The following TTC27 variants were observed in gnomAD, a reference collection of about 807,000 sequenced individuals.
TTC27 encodes tetratricopeptide repeat protein 27.
In TTC27, 79 loss-of-function variants were observed where a neutral mutation model predicts 115.9. The observed-to-expected ratio is 0.68, with a 90% CI of 0.57 to 0.82. The LOEUF is 0.82. Ranked by LOEUF, TTC27 falls within the 40% of genes least tolerant of loss-of-function variation. TTC27 has a pLI of 0.00. For synonymous variants in TTC27, 401 were observed against 356.0 expected (o/e 1.13, Z -1.42); for missense variants, 1,054 against 993.1 (o/e 1.06, Z -0.82).
intron 15 of TTC27, among the ~76,000 whole-genome samples, chr2:32,785,918 A>T (rs1375973499): frequency 7.0e-6 from 1 of 142,838 alleles, no homozygotes; most frequent in Non-Finnish European, 1.5e-5. Flanking sequence ...TGCCTCTTTC[A>T]ATACTGAAAT....
chr2:32,775,434 G>A (rs113023960), intron 13 of TTC27, among the ~76,000 whole-genome samples: 2,605 of 152,194 alleles, frequency 0.017, 60 homozygotes, highest in African/African-American at 0.06. Context: ...TCCTGACCTC[G>A]TGATCCACCT....
intron 9 of TTC27, among the ~76,000 whole-genome samples, chr2:32,685,429 A>G (rs1666597190): frequency 6.6e-6 from 1 of 152,156 alleles, no homozygotes; most frequent in South Asian, 2.1e-4. Context: ...GTTAATGCTT[A>G]TTAGAATTTC....
intron 13 of TTC27, among the ~76,000 whole-genome samples, chr2:32,766,900 G>A (rs921674172): frequency 1.3e-5 from 2 of 151,978 alleles, no homozygotes; most frequent in African/African-American, 2.4e-5. Flanking sequence ...ATCCTGCTGC[G>A]TCAGCCACCT....
chr2:32,680,464 A>G (rs577432348), intron 9 of TTC27, among the ~76,000 whole-genome samples: 32 of 152,270 alleles, frequency 2.1e-4, no homozygotes, highest in African/African-American at 7.7e-4. Flanking sequence ...CTGAGGAGAA[A>G]TATAAAGCAG....
chr2:32,722,900 A>G (rs567464087), intron 10 of TTC27, among the ~76,000 whole-genome samples: 3 of 152,318 alleles, frequency 2.0e-5, no homozygotes, highest in African/African-American at 7.2e-5. Context: ...TGATAAGGCC[A>G]AGAAAGGGGG....
intron 5 of TTC27, among the ~76,000 whole-genome samples, chr2:32,660,730 C>G (rs1011004699): frequency 6.6e-6 from 1 of 152,190 alleles, no homozygotes; most frequent in Admixed American, 6.5e-5. Context: ...CCTGTTCACT[C>G]TGATGATAGT....
chr2:32,772,116 A>T (rs1293766820), intron 13 of TTC27, among the ~76,000 whole-genome samples: 1 of 152,202 alleles, frequency 6.6e-6, no homozygotes, highest in Non-Finnish European at 1.5e-5. Context: ...TTTTAATTAT[A>T]AAAGTTATCT....
At chr2:32,634,612 C>G (rs1335834162) in intron 3 of TTC27, among the ~76,000 whole-genome samples, 2 of 151,218 alleles carry the variant, frequency 1.3e-5, no homozygotes, top group Non-Finnish European at 2.9e-5. Context: ...AGCAGCAAAT[C>G]TGGAAATCTG....
intron 9 of TTC27, among the ~76,000 whole-genome samples, chr2:32,691,412 C>T (rs1666805168): frequency 1.3e-5 from 2 of 151,712 alleles, no homozygotes; most frequent in Non-Finnish European, 2.9e-5. Flanking sequence ...GATTCTCCTG[C>T]CTCAGTCTTC....
chr2:32,675,442 C>CT (rs1242813644), intron 8 of TTC27, among the ~76,000 whole-genome samples: 5 of 152,106 alleles, frequency 3.3e-5, no homozygotes, highest in African/African-American at 1.2e-4. Context: ...TTTCTGGATA[C>CT]TTGTTTTTCC....
At chr2:32,777,468 T>C (rs1670034337) in intron 13 of TTC27, among the ~76,000 whole-genome samples, 1 of 152,244 alleles carries the variant, frequency 6.6e-6, no homozygotes, top group Admixed American at 6.5e-5. Context: ...ACAGTGCAAA[T>C]GCTATATAAT....
intron 10 of TTC27, among the ~76,000 whole-genome samples, chr2:32,719,521 A>C (rs1330998251): frequency 1.3e-5 from 2 of 152,200 alleles, no homozygotes; most frequent in Non-Finnish European, 2.9e-5. Context: ...TGCCTTCTGC[A>C]TGTGGTCATA....
chr2:32,746,236 C>A (rs1668820970), intron 12 of TTC27, among the ~76,000 whole-genome samples: 1 of 151,940 alleles, frequency 6.6e-6, no homozygotes, highest in African/African-American at 2.4e-5. Context: ...TTTTAATAGA[C>A]ATTTAGATAT....
intron 10 of TTC27, among the ~76,000 whole-genome samples, chr2:32,712,114 C>G (rs1167513221): frequency 1.3e-5 from 2 of 152,140 alleles, no homozygotes; most frequent in Admixed American, 6.5e-5. Context: ...TACATGGTTG[C>G]CGGCAGTTAC....
chr2:32,738,153 T>C (rs1480008951), intron 12 of TTC27, among the ~76,000 whole-genome samples: 1 of 152,204 alleles, frequency 6.6e-6, no homozygotes, highest in South Asian at 2.1e-4. Context: ...TTATTGACTC[T>C]TTACTTGCGA....
intron 8 of TTC27, among the ~76,000 whole-genome samples, chr2:32,672,744 A>G (rs10779915): frequency 0.84 from 127,360 of 152,194 alleles, 53,378 homozygotes; most frequent in Middle Eastern, 0.91. Context: ...AACCTTATCT[A>G]TGGTGGAAAT....
intron 10 of TTC27, among the ~76,000 whole-genome samples, chr2:32,715,990 A>T (rs2151907733): frequency 8.2e-6 from 1 of 121,302 alleles, no homozygotes; most frequent in South Asian, 2.8e-4. Context: ...AATTATATGA[A>T]TGATACTGCT....
intron 8 of TTC27, among the ~76,000 whole-genome samples, chr2:32,673,699 A>G (rs1429588601): frequency 6.6e-6 from 1 of 152,130 alleles, no homozygotes; most frequent in South Asian, 2.1e-4. Flanking sequence ...TTATTTTGTA[A>G]TTAACATTTT....
chr2:32,707,446 A>G (rs765853387), intron 10 of TTC27, among the ~76,000 whole-genome samples: 1 of 152,192 alleles, frequency 6.6e-6, no homozygotes, highest in Non-Finnish European at 1.5e-5. Flanking sequence ...TCGGGCACCA[A>G]GTTGCCAACA....
Sources: allele counts gnomAD v4.1 joint callset (sites outside exome capture counted in the v4.1 genomes callset), GRCh38; gene constraint gnomAD v4.1.1; transcripts MANE v1.5; gene names NCBI Gene and HGNC (gene_info 2026-07-23, HGNC 2026-07-21).